ABCA5: variants seen among roughly 807,000 people sequenced by gnomAD.
ABCA5 encodes ATP binding cassette subfamily A member 5, also known as cholesterol transporter ABCA5.
ABCA5 carries 163 observed loss-of-function variants against 206.0 expected under a neutral mutation model. The ratio of observed to expected loss-of-function variants is 0.79; its 90% confidence interval spans 0.70 to 0.90. The LOEUF (loss-of-function observed/expected upper bound fraction) is 0.90. ABCA5 is among the 40% of genes least tolerant of loss of function. ABCA5 has a pLI of 0.00. For synonymous variants in ABCA5, 609 were observed against 613.8 expected (o/e 0.99, Z 0.11); for missense variants, 1,859 against 1,912.9 (o/e 0.97, Z 0.53).
chr17:69,312,921 C>A (rs1010542), intron 3 of ABCA5, among the ~76,000 whole-genome samples, 171 bp downstream of exon 3: 3 of 151,736 alleles, frequency 2.0e-5, no homozygotes, highest in African/African-American at 7.3e-5. Flanking sequence ...TAATGTTTCA[C>A]AAGAAAAATA....
intron 20 of ABCA5, 85 bp downstream of exon 20, chr17:69,273,874 A>G: frequency 7.7e-7 from 1 of 1,305,838 alleles, no homozygotes; most frequent in Non-Finnish European, 1.0e-6. Flanking sequence ...TACCTTAAAT[A>G]TAGTTTTAAA....
At position 69,290,086 on chromosome 17, in the gene ABCA5, GTA is replaced by G. The variant is rs764161707; in HGVS notation, c.1607-51_1607-50del. 13 of 1,265,948 alleles carry G rather than the reference GTA, an allele frequency of 1.0e-5. 1 individual carries two copies. In the East Asian group the frequency reaches 3.4e-4, roughly 34 times the overall value. 78.4% of individuals were successfully genotyped at this position (1,265,948 alleles called of 1,614,324 possible). On this transcript the variant is annotated intron_variant, in intron 12 of 38. Transcript: ENST00000392676. ...ATGTACATTAATTATTTTATAATGTGTATGTTTTCAAGTATCCTGATAACTTA... is the reference window on the plus strand; with the variant it reads ...ATGTACATTAATTATTTTATAATGTGTGTTTTCAAGTATCCTGATAACTTA...
At chr17:69,251,965 A>G in intron 34 of ABCA5, 99 bp from the exon 35 acceptor site, 1 of 1,304,946 alleles carries the variant, frequency 7.7e-7, no homozygotes, top group Non-Finnish European at 1.1e-6. Context: ...TAAGTTAATT[A>G]AAACTTACCA....
At chr17:69,260,647 T>A (rs1180988084) in intron 26 of ABCA5, among the ~76,000 whole-genome samples, 1 of 151,922 alleles carries the variant, frequency 6.6e-6, no homozygotes, top group Non-Finnish European at 1.5e-5. Context: ...GTAGTAGGAT[T>A]AGTAAGTAGA....
Position 69,277,966 on chromosome 17 carries a change from T to C in ABCA5, c.2393-124A>G, listed in dbSNP as rs149271823. On this transcript the variant is annotated intron_variant, in intron 18 of 38. Transcript: ENST00000392676. ...ATGTGGAACAAATGGAACTCTCTTA[T>C]ATTCTGGCAGTATCTATTAAAGCTG... 1.4e-3 allele frequency: 936 copies of C among 670,498 alleles called. 8 individuals carry two copies. The African/African-American group carries it at 0.015, about 11-fold the overall frequency. 41.5% of individuals were successfully genotyped at this position (670,498 alleles called of 1,614,324 possible).
chr17:69,256,634 T>G (rs2075085540), intron 28 of ABCA5, among the ~76,000 whole-genome samples: 3 of 151,770 alleles, frequency 2.0e-5, no homozygotes, highest in Non-Finnish European at 4.4e-5. Context: ...TTTTGTATTT[T>G]TAGTAGAGAC....
intron 8 of ABCA5, among the ~76,000 whole-genome samples, chr17:69,302,390 G>A (rs2075661418): frequency 6.6e-6 from 1 of 151,996 alleles, no homozygotes. Flanking sequence ...ACAAATGATA[G>A]CAATATAACC....
Position 69,245,737 on chromosome 17 carries a change from T to C in ABCA5, c.*1800A>G, listed in dbSNP as rs1024750868. ...ATGATTGTGACTACTCAACTTTCAC[T>C]TTGCAGGAAAAAAAATTTACTTTGC... is the stretch of plus-strand genomic sequence containing the variant. On this transcript the variant is annotated 3_prime_UTR_variant, in exon 39 of 39. Coordinates refer to ENST00000392676, the MANE Select transcript of ABCA5 (RefSeq NM_172232.4). The C allele has an allele frequency of 6.6e-6, 1 of 151,790 alleles. No individual in the cohort carries two copies. The highest frequency in any genetic ancestry group is 1.5e-5 in the Non-Finnish European group (1 of 67,838). The allele number at this position is 151,790 out of a possible 1,614,324, so 9.4% of individuals were successfully genotyped here. A position where few individuals can be genotyped will look rare whatever the true frequency, so the allele number is the denominator to read the frequency against.
At position 69,323,217 on chromosome 17, in the gene ABCA5, C is replaced by A. The variant is rs529329355; in HGVS notation, c.-16+3835G>T. ...CCAGATGATGCCAGGGATAAAAGACCGCTGACTGTGATAAAAGACCCTTTG... is the reference window on the plus strand; with the variant it reads ...CCAGATGATGCCAGGGATAAAAGACAGCTGACTGTGATAAAAGACCCTTTG... On this transcript the variant is annotated intron_variant, in intron 1 of 38. Transcript: ENST00000392676. Among the ~76,000 whole-genome samples, 6 of 152,266 alleles carry A rather than the reference C, an allele frequency of 3.9e-5. No individual in the cohort carries two copies. The East Asian group carries it at 1.2e-3, about 29-fold the overall frequency.
chr17:69,306,845 A>G lies in ABCA5; in HGVS notation c.668T>C (p.Ile223Thr), dbSNP rs1598200812. The G allele has an allele frequency of 1.2e-6, 2 of 1,605,298 alleles. No individual in the cohort carries two copies. Among genetic ancestry groups the G allele is most frequent in the Non-Finnish European group, 1.7e-6 (2 of 1,175,192 alleles). ...AGGTGAAAATGCTATAACTAGGTAT[A>G]TTAAAATTACTCCTCGGGGAAAGGT... ...IDTFPRGVIL[I>T]YLVIAFSPFG... is the part of the protein sequence containing the mutation. The change falls in exon 6 of 39, where the codon ATA becomes ACA. Residue 223 changes from isoleucine to threonine, a missense_variant. Physicochemically the swap from Ile to Thr is moderately conservative, Grantham distance 89 (BLOSUM62 -1). Coordinates refer to ENST00000392676, the MANE Select transcript of ABCA5 (RefSeq NM_172232.4).
In ABCA5 at chr17:69,281,059, T is replaced by TA. The variant is rs201178194; in HGVS notation, c.2392+2893dup. On this transcript the variant is annotated intron_variant, in intron 18 of 38. Transcript: ENST00000392676. ...ATAAAAAAAAATAAAAATAAATAAA[T>TA]AAAAAAATAAAATTCTACCAATTAA... 6.6e-3 allele frequency among the ~76,000 whole-genome samples: 992 copies of TA among 149,194 alleles called. 14 individuals carry two copies. Among genetic ancestry groups the TA allele is most frequent in the African/African-American group, 0.023 (923 of 40,530 alleles).
At chr17:69,262,764 T>C (rs1035057793) in intron 24 of ABCA5, among the ~76,000 whole-genome samples, 1 of 150,938 alleles carries the variant, frequency 6.6e-6, no homozygotes, top group Admixed American at 6.6e-5. Context: ...GGTTTCTGAG[T>C]TATAAGGTAG....
At chr17:69,251,468 A>G (rs952798996) in intron 35 of ABCA5, 3 of 333,070 alleles carry the variant, frequency 9.0e-6, no homozygotes, top group Non-Finnish European at 1.6e-5. Flanking sequence ...TTTGTGTTAC[A>G]TAATTAATCC....
intron 18 of ABCA5, among the ~76,000 whole-genome samples, chr17:69,279,321 A>C (rs1167795282): frequency 6.6e-6 from 1 of 152,152 alleles, no homozygotes; most frequent in Non-Finnish European, 1.5e-5. Flanking sequence ...AATCCAACTT[A>C]CGAGGGATGT....
chr17:69,287,550 C>T lies in ABCA5; in HGVS notation c.2041+63G>A, dbSNP rs566334068. ...CTATTTATACCTCAGGAATTAGCAT[C>T]TCTATATCCATCTTCCTTTTGGCCC... On this transcript the variant is annotated intron_variant, in intron 15 of 38. Coordinates refer to ENST00000392676, the MANE Select transcript of ABCA5 (RefSeq NM_172232.4). 52 of 1,537,452 alleles carry T rather than the reference C, an allele frequency of 3.4e-5. No individual in the cohort carries two copies. The Middle Eastern group carries it at 7.0e-4, about 21-fold the overall frequency.
At chr17:69,304,937 TG>T (rs1317729039) in intron 6 of ABCA5, 127 bp from the exon 7 acceptor site, 3 of 736,662 alleles carry the variant, frequency 4.1e-6, no homozygotes, top group Non-Finnish European at 6.0e-6. Flanking sequence ...TTCATTTCTG[TG>T]TATGCTTATG....
In ABCA5 at chr17:69,255,532, A is replaced by C. The variant is rs746029764; in HGVS notation, c.4068+11T>G. 6.6e-7 allele frequency: 1 copy of C among 1,506,924 alleles called. No individual in the cohort carries two copies. Among genetic ancestry groups the C allele is most frequent in the Non-Finnish European group, 8.9e-7 (1 of 1,123,004 alleles). The allele number at this position is 1,506,924 out of a possible 1,614,324, so 93.3% of individuals were successfully genotyped here. Reference sequence around the variant, plus strand: ...CACATTCAACATATCCTATACTCTTATATATCATACCTGGCCTGAAGTTGG... The same window carrying C: ...CACATTCAACATATCCTATACTCTTCTATATCATACCTGGCCTGAAGTTGG... On this transcript the variant is annotated intron_variant, in intron 31 of 38. Transcript: ENST00000392676.
At chr17:69,299,429 C>T (rs986210984) in intron 9 of ABCA5, among the ~76,000 whole-genome samples, 9 of 146,728 alleles carry the variant, frequency 6.1e-5, no homozygotes, top group Non-Finnish European at 1.2e-4. Flanking sequence ...AATGCCCATC[C>T]CAACAACTGG....
chr17:69,267,154 C>T (rs1238481895), intron 23 of ABCA5, among the ~76,000 whole-genome samples: 1 of 152,062 alleles, frequency 6.6e-6, no homozygotes, highest in Admixed American at 6.6e-5. Flanking sequence ...GGATTACAGG[C>T]GTGGTCCACC....
Sources: gnomAD v4.1 joint callset for allele counts (sites outside exome capture counted in the v4.1 genomes callset) on GRCh38, gnomAD v4.1.1 for gene constraint, MANE v1.5 for transcripts, NCBI Gene and HGNC (gene_info 2026-07-23, HGNC 2026-07-21) for gene names.